The following NPAS2 variants were observed in gnomAD, a reference collection of about 807,000 sequenced individuals.
The protein encoded by NPAS2 is neuronal PAS domain-containing protein 2.
Under a neutral mutation model 107.5 loss-of-function variants are expected in NPAS2, and 23 were observed. The ratio of observed to expected loss-of-function variants is 0.21; its 90% CI spans 0.15 to 0.30. The LOEUF (loss-of-function observed/expected upper bound fraction) is 0.30, where lower values mean the gene tolerates loss of function less well. Among genes scored for constraint, NPAS2 ranks in the 10% least tolerant of loss-of-function variants. The pLI is 1.00. For missense variants in NPAS2, 756 were observed against 1,043.3 expected (o/e 0.72, Z 3.79); for synonymous variants, 403 against 417.5 (o/e 0.97, Z 0.42).
In NPAS2 at chr2:100,877,192, G is replaced by A. The variant is rs186302553; in HGVS notation, c.-22-27541G>A. On this transcript the variant is annotated intron_variant, in intron 1 of 20. Transcript: ENST00000335681. ...TTGAAATGATTGAAATAGGCTGGGC[G>A]CAGTGGCTTATGCCTGTAATCCCAG... is the stretch of plus-strand genomic sequence containing the variant. Among the ~76,000 whole-genome samples the A allele has an allele frequency of 3.9e-5, 6 of 152,286 alleles. No individual in the cohort carries two copies. The South Asian group carries it at 6.2e-4, about 16-fold the overall frequency.
At chr2:100,983,659 C>T (rs1481005310) in intron 16 of NPAS2, 1 of 152,374 alleles carries the variant, frequency 6.6e-6, no homozygotes, top group Non-Finnish European at 1.5e-5. Flanking sequence ...CTGCTGCTCT[C>T]CCCACCTCCT....
chr2:100,956,532 A>G (rs1675576800), intron 7 of NPAS2, among the ~76,000 whole-genome samples: 1 of 152,148 alleles, frequency 6.6e-6, no homozygotes, highest in Non-Finnish European at 1.5e-5. Flanking sequence ...TGTTGCCGCA[A>G]AGGACATGTT....
chr2:100,958,569 CTG>C (rs1675716487), intron 7 of NPAS2, among the ~76,000 whole-genome samples: 2 of 152,152 alleles, frequency 1.3e-5, no homozygotes, highest in South Asian at 4.1e-4. Context: ...GTTAAAATCA[CTG>C]TAAAAAAATT....
chr2:100,991,601 CCTT>C lies in NPAS2; in HGVS notation c.2111+735_2111+737del, dbSNP rs759253612. Among the ~76,000 whole-genome samples the C allele has an allele frequency of 7.2e-5, 11 of 152,330 alleles. No individual in the cohort carries two copies. In the East Asian group the frequency reaches 7.7e-4, roughly 11 times the overall value. ...CCCCCAGGCCCCTCTCCCTAGAAGT[CCTT>C]CTTCTGTGCCCTCCTTCAGCCAGGA... is the stretch of plus-strand genomic sequence containing the variant. On this transcript the variant is annotated intron_variant, in intron 19 of 20. Coordinates refer to ENST00000335681, the MANE Select transcript of NPAS2 (RefSeq NM_002518.4).
chr2:100,980,183 C>T (rs961839871), intron 15 of NPAS2, among the ~76,000 whole-genome samples: 1 of 152,118 alleles, frequency 6.6e-6, no homozygotes, highest in South Asian at 2.1e-4. Flanking sequence ...ACGTGAGAGG[C>T]AGCCACCACC....
Position 100,965,078 on chromosome 2 carries a change from TC to T in NPAS2, c.800+138del. 1.7e-6 allele frequency: 1 copy of T among 580,424 alleles called. No individual in the cohort carries two copies. 36.0% of individuals were successfully genotyped at this position (580,424 alleles called of 1,614,324 possible). ...GACTCTCTGGCACTAGGAAAAGTCG[TC>T]CCTGCCAAGGGTGGGTGGTTTCCCT... On this transcript the variant is annotated intron_variant, in intron 9 of 20. Transcript: ENST00000335681. The surrounding 1 kb of genome is among the most constrained non-coding windows in gnomAD (Gnocchi z 4.3).
chr2:100,917,611 G>A (rs1193012087), intron 2 of NPAS2, among the ~76,000 whole-genome samples: 3 of 152,078 alleles, frequency 2.0e-5, no homozygotes, highest in African/African-American at 7.2e-5. Context: ...ATCAATAGCA[G>A]GAATAAGAAG....
intron 1 of NPAS2, among the ~76,000 whole-genome samples, chr2:100,868,342 C>G (rs1452025983): frequency 6.6e-6 from 1 of 152,196 alleles, no homozygotes; most frequent in Non-Finnish European, 1.5e-5. Flanking sequence ...CATGGTTGCT[C>G]TTGAAAGTCC....
chr2:100,890,279 G>A (rs7590457), intron 1 of NPAS2, among the ~76,000 whole-genome samples: 542 of 152,284 alleles, frequency 3.6e-3, no homozygotes, highest in African/African-American at 0.012. Flanking sequence ...GAGGTAGTGC[G>A]AGCTCTCAGC....
At chr2:100,990,959 C>A in intron 19 of NPAS2, 87 bp downstream of exon 19, 1 of 1,081,862 alleles carries the variant, frequency 9.2e-7, no homozygotes, top group Non-Finnish European at 1.4e-6. Context: ...GCCAGCAGCA[C>A]TCACATGAGC....
At chr2:100,954,674 A>C (rs1558907243) in intron 7 of NPAS2, among the ~76,000 whole-genome samples, 3 of 123,004 alleles carry the variant, frequency 2.4e-5, no homozygotes, top group South Asian at 3.3e-4. Context: ...CAAAAAAAAA[A>C]AAAAAAGAAA....
At chr2:100,959,282 T>A (rs4850955) in intron 7 of NPAS2, among the ~76,000 whole-genome samples, 93,307 of 150,036 alleles carry the variant, frequency 0.62, 28,984 homozygotes, top group South Asian at 0.7. Flanking sequence ...AAAAAAAAAT[T>A]TTTTTGCAAA....
chr2:100,920,828 C>G (rs927252133), intron 2 of NPAS2, among the ~76,000 whole-genome samples: 7 of 152,240 alleles, frequency 4.6e-5, no homozygotes, highest in East Asian at 3.9e-4. Context: ...CCTGCTCTCT[C>G]CAGAAGACAA....
At chr2:100,846,042 G>A (rs894434145) in intron 1 of NPAS2, among the ~76,000 whole-genome samples, 2 of 152,228 alleles carry the variant, frequency 1.3e-5, no homozygotes, top group African/African-American at 4.8e-5. Context: ...GGCCCAAGGT[G>A]AATGGAGACA....
intron 7 of NPAS2, among the ~76,000 whole-genome samples, chr2:100,961,466 CATATTGAAGAG>C (rs954530377): frequency 6.0e-4 from 92 of 152,204 alleles, no homozygotes; most frequent in African/African-American, 2.0e-3. Flanking sequence ...GTGGGAAAGG[CATATTGAAGAG>C]AGAAGTTGCC....
In NPAS2 at chr2:100,820,978, T is replaced by G; in HGVS notation, c.-23+564T>G. ...CGCAGACAGCGTGCAGCCTGGCTCC[T>G]CACGTCGCTGCCGCCCCCCCACCCC... On this transcript the variant is annotated intron_variant, in intron 1 of 20. Transcript: ENST00000335681. The surrounding 1 kb of genome is among the most constrained non-coding windows in gnomAD (Gnocchi z 5.6). The G allele has an allele frequency of 8.2e-7, 1 of 1,216,420 alleles. No homozygotes were observed. The allele number at this position is 1,216,420 out of a possible 1,614,324, so 75.4% of individuals were successfully genotyped here. A position where few individuals can be genotyped will look rare whatever the true frequency, so the allele number is the denominator to read the frequency against.
chr2:100,821,278 G>A lies in NPAS2; in HGVS notation c.-23+864G>A, dbSNP rs142355449. The A allele has an allele frequency of 1.7e-4, 195 of 1,170,710 alleles. No individual in the cohort carries two copies. In the African/African-American group the frequency reaches 2.5e-3, roughly 15 times the overall value. The allele number at this position is 1,170,710 out of a possible 1,614,324, so 72.5% of individuals were successfully genotyped here. Reference sequence around the variant, plus strand: ...GTTGATTAAGCAAGATGGAAACCTTGAATATACGCACGCACTTCCACAAAG... The same window carrying A: ...GTTGATTAAGCAAGATGGAAACCTTAAATATACGCACGCACTTCCACAAAG... On this transcript the variant is annotated intron_variant, in intron 1 of 20. Coordinates refer to ENST00000335681, the MANE Select transcript of NPAS2 (RefSeq NM_002518.4).
chr2:100,866,073 T>C (rs551625975), intron 1 of NPAS2, among the ~76,000 whole-genome samples: 66 of 152,306 alleles, frequency 4.3e-4, no homozygotes, highest in African/African-American at 1.5e-3. Context: ...TCTCTGTTGC[T>C]CTGGTCCCTG....
chr2:100,877,155 G>A (rs1282600532), intron 1 of NPAS2, among the ~76,000 whole-genome samples: 1 of 152,150 alleles, frequency 6.6e-6, no homozygotes, highest in African/African-American at 2.4e-5. Flanking sequence ...CTCCTCCTGG[G>A]AATTGCTGTA....
Sources: allele counts gnomAD v4.1 joint callset (sites outside exome capture counted in the v4.1 genomes callset), GRCh38; gene constraint gnomAD v4.1.1; non-coding constraint Gnocchi (gnomAD v3.1); transcripts MANE v1.5; gene names NCBI Gene and HGNC (gene_info 2026-07-23, HGNC 2026-07-21).